ICE2: variants seen among roughly 807,000 people sequenced by gnomAD.
The protein encoded by ICE2 is little elongation complex subunit 2.
Under a neutral mutation model 105.4 loss-of-function variants are expected in ICE2, and 87 were observed. That is an observed-to-expected ratio of 0.83 (90% confidence interval 0.69 to 0.99). The LOEUF is 0.99. Among genes scored for constraint, ICE2 ranks in the 50% least tolerant of loss-of-function variants. ICE2 has a pLI of 0.00. For synonymous variants in ICE2, 399 were observed against 392.0 expected, an observed-to-expected ratio of 1.02 and a Z score of -0.21; for missense variants, 1,323 against 1,146.7, an observed-to-expected ratio of 1.15 and a Z score of -2.22.
In ICE2 at chr15:60,479,010, T is replaced by A. The variant is rs1159757680; in HGVS notation, c.-100A>T. ...CACAGCCTTTCCGCCCACCTCATGG[T>A]CCGCGGCGGCTCTTGCCCAGGCCGC... On this transcript the variant is annotated 5_prime_UTR_variant, in exon 1 of 16. Coordinates refer to ENST00000261520, the MANE Select transcript of ICE2 (RefSeq NM_024611.6). 3 of 455,944 alleles carry A rather than the reference T, an allele frequency of 6.6e-6. No homozygotes were observed. Among genetic ancestry groups the A allele is most frequent in the South Asian group, 4.6e-5 (3 of 64,544 alleles). 28.2% of individuals were successfully genotyped at this position (455,944 alleles called of 1,614,324 possible). A position where few individuals can be genotyped will look rare whatever the true frequency, so the allele number is the denominator to read the frequency against.
intron 2 of ICE2, among the ~76,000 whole-genome samples, chr15:60,476,604 A>G (rs1247082180): frequency 6.6e-6 from 1 of 152,246 alleles, no homozygotes; most frequent in African/African-American, 2.4e-5. Context: ...GCCAAAAGAC[A>G]CTACAAAGAC....
intron 11 of ICE2, among the ~76,000 whole-genome samples, chr15:60,443,509 T>G (rs995621007): frequency 3.3e-5 from 5 of 152,192 alleles, no homozygotes; most frequent in African/African-American, 1.2e-4. Context: ...CAACAGTAAG[T>G]GCTGTTTCAT....
intron 8 of ICE2, chr15:60,454,772 T>G (rs911697387): frequency 1.6e-5 from 6 of 381,048 alleles, no homozygotes; most frequent in Non-Finnish European, 2.8e-5. Context: ...TGTGCCATGG[T>G]GGTTTGCTGC....
intron 13 of ICE2, among the ~76,000 whole-genome samples, chr15:60,435,120 A>G (rs1250277965): frequency 6.6e-6 from 1 of 150,824 alleles, no homozygotes; most frequent in Non-Finnish European, 1.5e-5. Context: ...TCTCTACTAA[A>G]AATACAAAAA....
Position 60,445,483 on chromosome 15 carries a change from T to G in ICE2, c.2295+2487A>C, listed in dbSNP as rs2063802568. 6.7e-6 allele frequency: 5 copies of G among 745,574 alleles called. No individual in the cohort carries two copies. In the South Asian group the frequency reaches 3.1e-4, roughly 46 times the overall value. 46.2% of individuals were successfully genotyped at this position (745,574 alleles called of 1,614,324 possible). A position where few individuals can be genotyped will look rare whatever the true frequency, so the allele number is the denominator to read the frequency against. On this transcript the variant is annotated intron_variant, in intron 11 of 15. Transcript: ENST00000261520. The stretch of plus-strand genomic sequence containing the variant: ...GAGATTTAAACCATAAACTACTACA[T>G]ATAATAACGGGGGCAATGTAAGCAT...
At chr15:60,477,419 T>C (rs1365916276) in intron 2 of ICE2, among the ~76,000 whole-genome samples, 1 of 152,236 alleles carries the variant, frequency 6.6e-6, no homozygotes, top group Non-Finnish European at 1.5e-5. Context: ...TTAGTAAATG[T>C]GTGTTAAAAT....
intron 13 of ICE2, among the ~76,000 whole-genome samples, chr15:60,433,311 C>T (rs1390035848): frequency 6.6e-6 from 1 of 151,730 alleles, no homozygotes; most frequent in Non-Finnish European, 1.5e-5. Context: ...ATGGTCTCAT[C>T]TCCTGACCTC....
At chr15:60,459,893 A>G (rs2064226863) in intron 5 of ICE2, among the ~76,000 whole-genome samples, 1 of 152,240 alleles carries the variant, frequency 6.6e-6, no homozygotes, top group African/African-American at 2.4e-5. Flanking sequence ...GGAGTTTAAA[A>G]AAAAACACAG....
At chr15:60,447,306 T>C (rs2063843647) in intron 11 of ICE2, among the ~76,000 whole-genome samples, 1 of 152,110 alleles carries the variant, frequency 6.6e-6, no homozygotes, top group African/African-American at 2.4e-5. Context: ...ATAATGGAAA[T>C]CCAAATTCCC....
intron 5 of ICE2, among the ~76,000 whole-genome samples, chr15:60,465,600 G>T (rs992852275): frequency 6.6e-6 from 1 of 151,892 alleles, no homozygotes; most frequent in African/African-American, 2.4e-5. Flanking sequence ...TTTAAGTGTA[G>T]AGTTCAGTAG....
Position 60,434,547 on chromosome 15 carries a change from AC to A in ICE2, c.2510+1595del, listed in dbSNP as rs2063539226. ...CACACACACACACACACACACACAC[AC>A]ACACACACACACACACACAATGGAA... On this transcript the variant is annotated intron_variant, in intron 13 of 15. Coordinates refer to ENST00000261520, the MANE Select transcript of ICE2 (RefSeq NM_024611.6). Among the ~76,000 whole-genome samples, 4 of 118,998 alleles carry A rather than the reference AC, an allele frequency of 3.4e-5. No homozygotes were observed. In the South Asian group the frequency reaches 1.3e-3, roughly 38 times the overall value. The allele number at this position is 118,998 out of a possible 152,430, so 78.1% of individuals were successfully genotyped here. A position where few individuals can be genotyped will look rare whatever the true frequency, so the allele number is the denominator to read the frequency against.
At chr15:60,451,716 A>C (rs973165779) in intron 9 of ICE2, 8 of 614,564 alleles carry the variant, frequency 1.3e-5, no homozygotes, top group Non-Finnish European at 1.6e-5. Context: ...GTTCACCCTG[A>C]CTCCTGAGGT....
At position 60,479,112 on chromosome 15, in the gene ICE2, T is replaced by G. The variant is rs932852433; in HGVS notation, c.-202A>C. The G allele has an allele frequency of 2.3e-6, 1 of 428,316 alleles. No homozygotes were observed. The allele number at this position is 428,316 out of a possible 1,614,324, so 26.5% of individuals were successfully genotyped here. A position where few individuals can be genotyped will look rare whatever the true frequency, so the allele number is the denominator to read the frequency against. On this transcript the variant is annotated 5_prime_UTR_variant, in exon 1 of 16. Coordinates refer to ENST00000261520, the MANE Select transcript of ICE2 (RefSeq NM_024611.6). ...CAAAAAAGACCATATTTAAAGGATG[T>G]GGCCGCGCCGACTCGGCCCTGCGTG...
At chr15:60,442,811 G>C in intron 11 of ICE2, 1 of 241,558 alleles carries the variant, frequency 4.1e-6, no homozygotes. Flanking sequence ...CCCCACATAG[G>C]CAAGGTTTGA....
At chr15:60,432,168 TA>T (rs1361278331) in intron 13 of ICE2, among the ~76,000 whole-genome samples, 184 bp from the exon 14 acceptor site, 2 of 150,208 alleles carry the variant, frequency 1.3e-5, no homozygotes, top group African/African-American at 2.5e-5. Flanking sequence ...CTTAATTTTT[TA>T]AAAAAAATTT....
rs1448055951 is a variant in ICE2 at position 60,442,535 on chromosome 15, A to G, written c.2306T>C (p.Val769Ala). The G allele has an allele frequency of 6.4e-7, 1 of 1,566,432 alleles. No homozygotes were observed. The highest frequency in any genetic ancestry group is 8.6e-7 in the Non-Finnish European group (1 of 1,166,016). The change falls in exon 12 of 16, where the codon GTT becomes GCT. Residue 769 changes from valine (V) to alanine (A), a missense_variant. Transcript: ENST00000261520. ...KRKKIRRQFP[V>A]YVLPKVEYQA... ...ATACTCTACTTTTGGTAGTACATAA[A>G]CTGGAAATTGCTGCAATGCAAAATT... is the stretch of plus-strand genomic sequence containing the variant.
At chr15:60,459,616 C>T (rs1477089794) in intron 5 of ICE2, among the ~76,000 whole-genome samples, 2 of 151,982 alleles carry the variant, frequency 1.3e-5, no homozygotes, top group Non-Finnish European at 2.9e-5. Flanking sequence ...TAAATTAAAA[C>T]AAATATAGTC....
At chr15:60,443,404 A>G (rs2063760818) in intron 11 of ICE2, among the ~76,000 whole-genome samples, 1 of 152,228 alleles carries the variant, frequency 6.6e-6, no homozygotes, top group Non-Finnish European at 1.5e-5. Flanking sequence ...TTTCATCAGT[A>G]TTTCTTAATT....
At chr15:60,424,972 C>A (rs1346089466) in intron 15 of ICE2, among the ~76,000 whole-genome samples, 3 of 152,174 alleles carry the variant, frequency 2.0e-5, no homozygotes, top group Non-Finnish European at 4.4e-5. Flanking sequence ...TTTTCCCTGG[C>A]CACCTTGTTC....
Sources: allele counts gnomAD v4.1 joint callset (sites outside exome capture counted in the v4.1 genomes callset), GRCh38; gene constraint gnomAD v4.1.1; transcripts MANE v1.5; gene names NCBI Gene and HGNC (gene_info 2026-07-23, HGNC 2026-07-21).